The following GABARAPL2 variants were observed in gnomAD, a reference collection of about 807,000 sequenced individuals.
GABARAPL2 encodes the protein GABA type A receptor associated protein like 2, also known as gamma-aminobutyric acid receptor-associated protein-like 2.
GABARAPL2 carries 11 observed loss-of-function variants against 16.9 expected under a neutral mutation model. That is an observed-to-expected ratio of 0.65 (90% CI 0.41 to 1.08). The LOEUF (loss-of-function observed/expected upper bound fraction) is 1.08. GABARAPL2 is among the 50% of genes least tolerant of loss of function. GABARAPL2 has a pLI of 0.00. For missense variants in GABARAPL2, 134 were observed against 142.5 expected, an observed-to-expected ratio of 0.94 and a Z score of 0.30; for synonymous variants, 57 against 50.7, an observed-to-expected ratio of 1.12 and a Z score of -0.53.
At chr16:75,566,945 T>C (rs758493167) in intron 2 of GABARAPL2, 38 bp downstream of exon 2, 49 of 1,547,198 alleles carry the variant, frequency 3.2e-5, no homozygotes, top group Non-Finnish European at 4.3e-5. Flanking sequence ...CGCTGTCACC[T>C]CTGTCGTCTG....
chr16:75,566,590 C>T, intron 1 of GABARAPL2, 70 bp downstream of exon 1: 4 of 1,547,202 alleles, frequency 2.6e-6, no homozygotes, highest in Non-Finnish European at 3.5e-6. Flanking sequence ...CCCACTCGGG[C>T]GGCCCTGGGC....
In GABARAPL2 at chr16:75,566,504, G is replaced by C; in HGVS notation, c.18G>C (p.Lys6Asn). The C allele has an allele frequency of 6.2e-7, 1 of 1,609,056 alleles. No homozygotes were observed. The highest frequency in any genetic ancestry group is 8.5e-7 in the Non-Finnish European group (1 of 1,178,254). MKWMF[K>N]EDHSLEHRCV... ...CCGCCGCCATGAAGTGGATGTTCAA[G>C]GAGGACCACTCGCTGGGTAAGCACT... The change falls in exon 1 of 4, where the codon AAG (lysine) becomes AAC (asparagine). Residue 6 changes from lysine to asparagine, a missense_variant. Transcript: ENST00000037243.
In GABARAPL2 at chr16:75,577,323, G is replaced by A; in HGVS notation, c.308G>A (p.Gly103Glu). The A allele has an allele frequency of 6.2e-7, 1 of 1,613,130 alleles. No individual in the cohort carries two copies. The highest frequency in any genetic ancestry group is 8.5e-7 in the Non-Finnish European group (1 of 1,179,086). The change falls in exon 4 of 4, where the codon GGA becomes GAA. Residue 103 changes from glycine to glutamate, a missense_variant. Gly to Glu is a moderately conservative substitution (Grantham distance 98, BLOSUM62 -2). Transcript: ENST00000037243. ...TACGAGAAGGAAAAAGATGAAGATG[G>A]ATTCTTATATGTGGCCTACAGCGGA... ...QLYEKEKDEDGFLYVAYSGEN... is the reference protein window; with the variant it reads ...QLYEKEKDEDEFLYVAYSGEN...
At chr16:75,573,000 C>G (rs951012419) in intron 3 of GABARAPL2, among the ~76,000 whole-genome samples, 1 of 152,248 alleles carries the variant, frequency 6.6e-6, no homozygotes, top group Non-Finnish European at 1.5e-5. Flanking sequence ...GGGCATCCAG[C>G]AAGCCTGTGC....
At chr16:75,571,039 A>G (rs2080911138) in intron 3 of GABARAPL2, among the ~76,000 whole-genome samples, 1 of 152,270 alleles carries the variant, frequency 6.6e-6, no homozygotes, top group Non-Finnish European at 1.5e-5. Flanking sequence ...TGTTTAAAAT[A>G]GAAACAGGAG....
At chr16:75,571,116 G>A (rs2080911680) in intron 3 of GABARAPL2, among the ~76,000 whole-genome samples, 1 of 152,142 alleles carries the variant, frequency 6.6e-6, no homozygotes, top group African/African-American at 2.4e-5. Context: ...GTCTTGCTCT[G>A]TCACCCTGGC....
chr16:75,571,573 A>G (rs1437263187), intron 3 of GABARAPL2, among the ~76,000 whole-genome samples: 6 of 152,132 alleles, frequency 3.9e-5, no homozygotes, highest in Admixed American at 2.0e-4. Flanking sequence ...TTCAGGCCCA[A>G]TTAATGACTT....
chr16:75,575,880 A>G (rs1033670780), intron 3 of GABARAPL2: 3 of 152,204 alleles, frequency 2.0e-5, no homozygotes, highest in African/African-American at 7.2e-5. Flanking sequence ...TCATTTCAAC[A>G]TGTAATCAAA....
At chr16:75,576,652 A>T (rs890927988) in intron 3 of GABARAPL2, 3 of 152,392 alleles carry the variant, frequency 2.0e-5, no homozygotes, top group African/African-American at 7.2e-5. Flanking sequence ...GCACAGAACT[A>T]GATTAGGTCT....
chr16:75,570,024 A>T (rs1567445100), intron 3 of GABARAPL2, among the ~76,000 whole-genome samples: 2 of 152,166 alleles, frequency 1.3e-5, no homozygotes. Context: ...CCAGGCTGTC[A>T]GCTCTTTGGC....
At position 75,577,422 on chromosome 16, in the gene GABARAPL2, C is replaced by A; in HGVS notation, c.*53C>A. On this transcript the variant is annotated 3_prime_UTR_variant, in exon 4 of 4. Transcript: ENST00000037243. ...AACTGCTTGTGTATCTTGTAAATAGCCAGCCATTTTCAGTTATTATACCAG... is the reference window on the plus strand; with the variant it reads ...AACTGCTTGTGTATCTTGTAAATAGACAGCCATTTTCAGTTATTATACCAG... The A allele has an allele frequency of 9.5e-7, 1 of 1,050,560 alleles. No homozygotes were observed. The highest frequency in any genetic ancestry group is 1.5e-6 in the Non-Finnish European group (1 of 665,840). 65.1% of individuals were successfully genotyped at this position (1,050,560 alleles called of 1,614,324 possible).
At chr16:75,566,826 G>A (rs778998506) in intron 1 of GABARAPL2, 26 bp from the exon 2 acceptor site, 5 of 1,608,732 alleles carry the variant, frequency 3.1e-6, no homozygotes, top group South Asian at 2.2e-5. Flanking sequence ...AGGCGCGGCC[G>A]TCAGCCCCGT....
chr16:75,567,957 CT>C (rs1207500773), intron 2 of GABARAPL2, 79 bp from the exon 3 acceptor site: 1 of 1,095,108 alleles, frequency 9.1e-7, no homozygotes, highest in East Asian at 2.4e-5. Context: ...TGCCCACACT[CT>C]GTTCATCAGC....
chr16:75,574,588 G>C (rs892245991), intron 3 of GABARAPL2, among the ~76,000 whole-genome samples: 2 of 152,032 alleles, frequency 1.3e-5, no homozygotes, highest in African/African-American at 2.4e-5. Context: ...TAAAAATCTT[G>C]GGAGACTCAG....
At chr16:75,566,685 C>A in intron 1 of GABARAPL2, 165 bp downstream of exon 1, 1 of 962,782 alleles carries the variant, frequency 1.0e-6, no homozygotes, top group Non-Finnish European at 1.6e-6. Flanking sequence ...GACCCCATGT[C>A]ACCCTCCGCG....
chr16:75,567,147 G>A (rs2080889099), intron 2 of GABARAPL2, among the ~76,000 whole-genome samples: 1 of 152,234 alleles, frequency 6.6e-6, no homozygotes, highest in Non-Finnish European at 1.5e-5. Flanking sequence ...GCAGCCTCGG[G>A]GCTCCCTGGC....
rs759196152 is a variant in GABARAPL2, at chr16:75,566,848, A to G, written c.35-4A>G. The G allele has an allele frequency of 6.2e-7, 1 of 1,612,984 alleles. No homozygotes were observed. The highest frequency in any genetic ancestry group is 8.5e-7 in the Non-Finnish European group (1 of 1,179,764). The stretch of plus-strand genomic sequence containing the variant: ...GCCGTCAGCCCCGTTTGTTTCTCCC[A>G]CAGAACACAGATGCGTGGAGTCCGC... On this transcript the variant is annotated splice_polypyrimidine_tract_variant and splice_region_variant and intron_variant, in intron 1 of 3. Coordinates refer to ENST00000037243, the MANE Select transcript of GABARAPL2 (RefSeq NM_007285.7).
intron 3 of GABARAPL2, chr16:75,576,758 G>A (rs1009459842): frequency 6.5e-6 from 1 of 153,664 alleles, no homozygotes; most frequent in Non-Finnish European, 1.4e-5. Flanking sequence ...GGTTCTTTGG[G>A]AGGTTGGGCA....
chr16:75,575,768 T>G (rs2080945831), intron 3 of GABARAPL2: 1 of 152,198 alleles, frequency 6.6e-6, no homozygotes, highest in Non-Finnish European at 1.5e-5. Flanking sequence ...GTATTTTTAG[T>G]AGAGACAGGG....
Sources: gnomAD v4.1 joint callset for allele counts (sites outside exome capture counted in the v4.1 genomes callset) on GRCh38, gnomAD v4.1.1 for gene constraint, MANE v1.5 for transcripts, NCBI Gene and HGNC (gene_info 2026-07-23, HGNC 2026-07-21) for gene names.